Variants in CDC42SE2 observed in about 807,000 individuals in gnomAD.
The protein encoded by CDC42SE2 is CDC42 small effector 2.
Under a neutral mutation model 11.5 loss-of-function variants are expected in CDC42SE2, and 3 were observed. That is an observed-to-expected ratio of 0.26 (90% confidence interval 0.12 to 0.67). The LOEUF (loss-of-function observed/expected upper bound fraction) is 0.67, where lower values mean the gene tolerates loss of function less well. CDC42SE2 is among the 30% of genes least tolerant of loss of function. The pLI, the probability that CDC42SE2 is intolerant of heterozygous loss-of-function variation, is 0.80. For missense variants in CDC42SE2, 82 were observed against 106.8 expected, an observed-to-expected ratio of 0.77 and a Z score of 1.02; for synonymous variants, 33 against 34.8, an observed-to-expected ratio of 0.95 and a Z score of 0.18.
chr5:131,230,510 A>T, the CDC42SE2 span, among the ~76,000 whole-genome samples: 1 of 152,230 alleles, frequency 6.6e-6, no homozygotes, highest in Non-Finnish European at 1.5e-5. Flanking sequence ...GAGCAGCTGC[A>T]GCACAGCTAT....
In CDC42SE2 at chr5:131,374,932, C is replaced by T. The variant is rs186183171; in HGVS notation, c.55-10611C>T. Among the ~76,000 whole-genome samples, 274 of 151,842 alleles carry T rather than the reference C, an allele frequency of 1.8e-3. 1 individual carries two copies. Among genetic ancestry groups the T allele is most frequent in the African/African-American group, 6.1e-3 (254 of 41,378 alleles). On this transcript the variant is annotated intron_variant, in intron 3 of 4. Transcript: ENST00000505065. Reference sequence around the variant, plus strand: ...GTGTATAGAAACAATCCCAGATGGACCCATAGTGACAGAAATTTCTAGTGA... The same window carrying T: ...GTGTATAGAAACAATCCCAGATGGATCCATAGTGACAGAAATTTCTAGTGA...
chr5:131,219,754 T>C, the CDC42SE2 span, among the ~76,000 whole-genome samples: 18 of 152,230 alleles, frequency 1.2e-4, no homozygotes, highest in African/African-American at 4.1e-4. Flanking sequence ...CTGAGAAACA[T>C]GGCAAAACCC....
intron 3 of CDC42SE2, among the ~76,000 whole-genome samples, chr5:131,381,693 T>C (rs1387160009): frequency 6.6e-6 from 1 of 152,246 alleles, no homozygotes; most frequent in African/African-American, 2.4e-5. Flanking sequence ...ATTAGTTGAA[T>C]CCACATAATC....
At chr5:131,271,864 C>T (rs1757002220) in intron 1 of CDC42SE2, among the ~76,000 whole-genome samples, 1 of 152,138 alleles carries the variant, frequency 6.6e-6, no homozygotes, top group South Asian at 2.1e-4. Context: ...CCTTTGTGTC[C>T]AGTTCTCCAT....
chr5:131,277,684 T>G (rs1757132410), intron 1 of CDC42SE2, among the ~76,000 whole-genome samples: 1 of 152,200 alleles, frequency 6.6e-6, no homozygotes, highest in African/African-American at 2.4e-5. Context: ...GTTGTTTCCT[T>G]TGTTTGAAAT....
chr5:131,337,759 C>A (rs1189056244), intron 2 of CDC42SE2, among the ~76,000 whole-genome samples: 1 of 152,218 alleles, frequency 6.6e-6, no homozygotes, highest in Non-Finnish European at 1.5e-5. Context: ...AGGGTAGGAC[C>A]CTCTGAGCCA....
At chr5:131,282,116 G>GT (rs1757248335) in intron 1 of CDC42SE2, among the ~76,000 whole-genome samples, 1 of 152,114 alleles carries the variant, frequency 6.6e-6, no homozygotes, top group South Asian at 2.1e-4. Flanking sequence ...TTTTCGGACT[G>GT]TTTTAAAAAT....
intron 3 of CDC42SE2, among the ~76,000 whole-genome samples, chr5:131,366,088 C>G (rs139788319): frequency 6.6e-6 from 1 of 152,128 alleles, no homozygotes; most frequent in Non-Finnish European, 1.5e-5. Flanking sequence ...ACTACTAAAC[C>G]TAGAAATTCT....
At chr5:131,231,043 C>T in the CDC42SE2 span, among the ~76,000 whole-genome samples, 13 of 152,196 alleles carry the variant, frequency 8.5e-5, no homozygotes, top group Admixed American at 3.3e-4. Context: ...AGGGATTTTA[C>T]GTAAATGTTT....
chr5:131,265,306 A>G (rs974910429), intron 1 of CDC42SE2, among the ~76,000 whole-genome samples: 17 of 152,202 alleles, frequency 1.1e-4, no homozygotes, highest in African/African-American at 4.1e-4. Flanking sequence ...ATCTTTAAAA[A>G]TAATGGAGAA....
rs1298778693 is a variant in CDC42SE2 at position 131,257,941 on chromosome 5, G to A, written n.242+2712G>A. Among the ~76,000 whole-genome samples the A allele has an allele frequency of 3.9e-5, 6 of 152,092 alleles. No individual in the cohort carries two copies. In the East Asian group the frequency reaches 5.8e-4, roughly 15 times the overall value. On this transcript the variant is annotated intron_variant and non_coding_transcript_variant, in intron 2 of 3. Transcript: ENST00000502840. ...ACACACACTGGTGCTAGTTCTGCTC[G>A]TTCTTCCGTGCTAAGGGGCTTCCTC...
chr5:131,381,922 G>A (rs1304037339), intron 3 of CDC42SE2, among the ~76,000 whole-genome samples: 1 of 152,070 alleles, frequency 6.6e-6, no homozygotes. Flanking sequence ...TTCATCTTAG[G>A]TGTTTACCTT....
At chr5:131,289,876 G>T (rs1428254807) in intron 1 of CDC42SE2, among the ~76,000 whole-genome samples, 4 of 151,612 alleles carry the variant, frequency 2.6e-5, no homozygotes, top group Non-Finnish European at 5.9e-5. Context: ...GACTCGCTCT[G>T]TCACCTAAGC....
intron 1 of CDC42SE2, among the ~76,000 whole-genome samples, chr5:131,286,392 T>TTTTTG (rs1554095541): frequency 6.7e-6 from 1 of 148,326 alleles, no homozygotes; most frequent in African/African-American, 2.5e-5. Flanking sequence ...CCAGTTTTTT[T>TTTTTG]TTTTTTTTTT....
chr5:131,368,914 T>C (rs1453060900), intron 3 of CDC42SE2, among the ~76,000 whole-genome samples: 1 of 152,242 alleles, frequency 6.6e-6, no homozygotes, highest in Non-Finnish European at 1.5e-5. Context: ...GGATTTATTT[T>C]ACATATAAAT....
At chr5:131,264,636 C>A (rs1390126407) in intron 1 of CDC42SE2, among the ~76,000 whole-genome samples, 4 of 152,170 alleles carry the variant, frequency 2.6e-5, no homozygotes, top group African/African-American at 9.7e-5. Flanking sequence ...CCTGAGGCGC[C>A]CGACGCGTTC....
the CDC42SE2 span, among the ~76,000 whole-genome samples, chr5:131,217,995 C>T: frequency 2.0e-5 from 3 of 151,830 alleles, no homozygotes; most frequent in African/African-American, 4.8e-5. Context: ...GGCAACATGG[C>T]GAAACCCTGT....
chr5:131,224,522 C>T, the CDC42SE2 span, among the ~76,000 whole-genome samples: 1 of 152,034 alleles, frequency 6.6e-6, no homozygotes, highest in East Asian at 1.9e-4. Context: ...GACCACCCAC[C>T]ACTTCCTTGG....
At chr5:131,307,995 A>C (rs1455159396) in intron 1 of CDC42SE2, among the ~76,000 whole-genome samples, 2 of 152,008 alleles carry the variant, frequency 1.3e-5, no homozygotes, top group Non-Finnish European at 2.9e-5. Flanking sequence ...AGGTTGCGAA[A>C]ATTTTCTCCC....
Sources: gnomAD v4.1 joint callset for allele counts (sites outside exome capture counted in the v4.1 genomes callset) on GRCh38, gnomAD v4.1.1 for gene constraint, MANE v1.5 for transcripts, NCBI Gene and HGNC (gene_info 2026-07-23, HGNC 2026-07-21) for gene names.